Variants in PPRC1 observed in about 807,000 individuals in gnomAD.
PPRC1 encodes the protein peroxisome proliferator-activated receptor gamma coactivator-related protein 1.
Under a neutral mutation model 132.5 loss-of-function variants are expected in PPRC1, and 23 were observed. That is an observed-to-expected ratio of 0.17 (90% CI 0.12 to 0.25). The LOEUF (loss-of-function observed/expected upper bound fraction) is 0.25, where lower values mean the gene tolerates loss of function less well. Ranked by LOEUF, PPRC1 falls within the 10% of genes least tolerant of loss-of-function variation. The probability of loss-of-function intolerance (pLI) is 1.00; values close to 1 mark genes in which losing one functional copy is unlikely to be tolerated. For missense variants in PPRC1, 2,006 were observed against 2,089.1 expected (o/e 0.96, Z 0.78); for synonymous variants, 872 against 833.5 (o/e 1.05, Z -0.80).
At position 102,140,242 on chromosome 10, in the gene PPRC1, C is replaced by T. The variant is rs1312431997; in HGVS notation, c.1734C>T (p.Asp578=). ...NPIPTHLSLV[D]SAQASPMPVD... is the part of the protein sequence containing the mutation. Reference sequence around the variant, plus strand: ...TACCAACCCATCTCTCATTGGTCGACTCTGCCCAAGCCAGCCCCATGCCAG... The same window carrying T: ...TACCAACCCATCTCTCATTGGTCGATTCTGCCCAAGCCAGCCCCATGCCAG... Residue 578 remains aspartate (D), a synonymous_variant, in exon 5 of 14, where the codon GAC becomes GAT. Coordinates refer to ENST00000278070, the MANE Select transcript of PPRC1 (RefSeq NM_015062.5). 6.2e-7 allele frequency: 1 copy of T among 1,614,248 alleles called. No individual in the cohort carries two copies. The highest frequency in any genetic ancestry group is 1.7e-5 in the Admixed American group (1 of 60,034).
intron 6 of PPRC1, among the ~76,000 whole-genome samples, chr10:102,143,592 C>CT (rs2069091097): frequency 7.5e-6 from 1 of 133,196 alleles, no homozygotes; most frequent in South Asian, 2.3e-4. Context: ...GGGTGAGACT[C>CT]TGTCTCAAAA....
rs141564083 is a variant in PPRC1 at position 102,141,614 on chromosome 10, C to G, written c.3106C>G (p.Pro1036Ala). The change falls in exon 5 of 14, where the codon CCT becomes GCT. Residue 1036 changes from proline to alanine, a missense_variant. Pro to Ala is a conservative substitution (Grantham distance 27, BLOSUM62 -1). Around this residue, in one of 2 missense-constraint regions of PPRC1, gnomAD observed 1,914 missense variants for 1,917.2 expected, o/e 1.00. Transcript: ENST00000278070. The part of the protein sequence containing the change: ...PENVLPLSMA[P>A]PLSLGLPGHG... ...AAATGTACTTCCCTTGTCGATGGCT[C>G]CTCCCCTCAGTCTTGGGCTACCTGG... The G allele has an allele frequency of 8.1e-4, 1,302 of 1,614,186 alleles. 7 individuals carry two copies. In the African/African-American group the frequency reaches 0.015, roughly 19 times the overall value.
chr10:102,140,751 C>T lies in PPRC1; in HGVS notation c.2243C>T (p.Pro748Leu), dbSNP rs764872257. The change falls in exon 5 of 14, where the codon CCT becomes CTT. Residue 748 changes from proline (P) to leucine (L), a missense_variant. By Grantham distance (98) the Pro-to-Leu change is moderately conservative. Transcript: ENST00000278070. ...AGTGCTACAACCCATGAAGCCAGAC[C>T]TCGGCCTCTCAGCTTATCTGAGTAC... ...GTSATTHEAR[P>L]RPLSLSEYRR... 1.5e-5 allele frequency: 24 copies of T among 1,613,872 alleles called. No homozygotes were observed. Among genetic ancestry groups the T allele is most frequent in the Admixed American group, 5.0e-5 (3 of 59,996 alleles).
Position 102,144,262 on chromosome 10 carries a change from GTCC to G in PPRC1, c.3570_3572del (p.Pro1191del). ...GGTTTCTTTGCAGCCAAAAAGGAGTGTCCTCCTCCGGCTCCTGCTGACAGCTTG... is the reference window on the plus strand; with the variant it reads ...GGTTTCTTTGCAGCCAAAAAGGAGTGTCCTCCGGCTCCTGCTGACAGCTTG... On this transcript the variant is annotated inframe_deletion, in exon 7 of 14. Coordinates refer to ENST00000278070, the MANE Select transcript of PPRC1 (RefSeq NM_015062.5). 4 of 1,614,148 alleles carry G rather than the reference GTCC, an allele frequency of 2.5e-6. No individual in the cohort carries two copies. The highest frequency in any genetic ancestry group is 3.4e-6 in the Non-Finnish European group (4 of 1,180,020).
At chr10:102,147,927 C>T (rs1371376583) in intron 9 of PPRC1, among the ~76,000 whole-genome samples, 2 of 152,082 alleles carry the variant, frequency 1.3e-5, no homozygotes, top group Non-Finnish European at 2.9e-5. Flanking sequence ...CTGGCCCATA[C>T]TACAAGTCTA....
At chr10:102,138,120 CT>C in intron 2 of PPRC1, 82 bp downstream of exon 2, 1 of 1,422,242 alleles carries the variant, frequency 7.0e-7, no homozygotes, top group Non-Finnish European at 9.5e-7. Context: ...CATGGCTCTG[CT>C]CTCCCAGGAC....
In PPRC1 at chr10:102,147,458, T is replaced by C. The variant is rs1330002899; in HGVS notation, c.4400+66T>C. On this transcript the variant is annotated intron_variant, in intron 9 of 13. Transcript: ENST00000278070. ...GTTCACGTACTTCTGTGGTTTACTTTGAAAGCTTTTACCCGTTGACTTTGG... is the reference window on the plus strand; with the variant it reads ...GTTCACGTACTTCTGTGGTTTACTTCGAAAGCTTTTACCCGTTGACTTTGG... The C allele has an allele frequency of 2.0e-6, 3 of 1,499,496 alleles. No homozygotes were observed. In the African/African-American group the frequency reaches 4.2e-5, roughly 21 times the overall value. The allele number at this position is 1,499,496 out of a possible 1,614,324, so 92.9% of individuals were successfully genotyped here.
rs369539051 is a variant in PPRC1, at chr10:102,139,622, C to T, written c.1114C>T (p.Pro372Ser). ...PVVVRQVSPG[P>S]RPVLLDDSLE... ...TGTGGTGCGACAGGTCTCTCCTGGA[C>T]CCCGGCCTGTGCTCCTGGATGACTC... Residue 372 changes from proline (P) to serine (S), a missense_variant, in exon 5 of 14, where the codon CCC becomes TCC. Around this residue, in one of 2 missense-constraint regions of PPRC1, gnomAD observed 1,914 missense variants for 1,917.2 expected, o/e 1.00. Transcript: ENST00000278070. 5.6e-6 allele frequency: 9 copies of T among 1,613,946 alleles called. No homozygotes were observed. The highest frequency in any genetic ancestry group is 1.6e-4 in the Middle Eastern group (1 of 6,062).
chr10:102,127,021 A>ATTTT, the PPRC1 span, among the ~76,000 whole-genome samples: 1 of 4,340 alleles, frequency 2.3e-4, no homozygotes, highest in African/African-American at 4.7e-4. Context: ...GTTTTTTATC[A>ATTTT]TATATATATA....
chr10:102,129,457 G>A (rs1169464257), upstream of PPRC1, among the ~76,000 whole-genome samples: 1 of 152,146 alleles, frequency 6.6e-6, no homozygotes, highest in African/African-American at 2.4e-5. Context: ...AGATTTTATG[G>A]AGACACCAGA....
intron 1 of PPRC1, among the ~76,000 whole-genome samples, chr10:102,136,508 A>G (rs1326830350): frequency 3.9e-5 from 6 of 152,140 alleles, no homozygotes; most frequent in Non-Finnish European, 5.9e-5. Flanking sequence ...CCTGCTGTCA[A>G]CTGGGGTCTA....
Position 102,141,214 on chromosome 10 carries a change from T to C in PPRC1, c.2706T>C (p.Leu902=). 2 of 1,614,056 alleles carry C rather than the reference T, an allele frequency of 1.2e-6. No individual in the cohort carries two copies. Among genetic ancestry groups the C allele is most frequent in the African/African-American group, 2.7e-5 (2 of 75,006 alleles). ...LPPPPLQPPS[L]PLSMGPVLPD... is the part of the protein sequence containing the mutation. ...CACCTCCCTTGCAGCCTCCTAGTCT[T>C]CCATTGTCTATGGGGCCAGTACTAC... Residue 902 remains leucine, a synonymous_variant, in exon 5 of 14, where the codon CTT becomes CTC. Coordinates refer to ENST00000278070, the MANE Select transcript of PPRC1 (RefSeq NM_015062.5).
At position 102,150,102 on chromosome 10, in the gene PPRC1, T is replaced by G; in HGVS notation, c.*73T>G. 9.2e-7 allele frequency: 1 copy of G among 1,091,184 alleles called. No individual in the cohort carries two copies. Among genetic ancestry groups the G allele is most frequent in the Non-Finnish European group, 1.4e-6 (1 of 714,484 alleles). 67.6% of individuals were successfully genotyped at this position (1,091,184 alleles called of 1,614,324 possible). A position where few individuals can be genotyped will look rare whatever the true frequency, so the allele number is the denominator to read the frequency against. On this transcript the variant is annotated 3_prime_UTR_variant, in exon 14 of 14. Coordinates refer to ENST00000278070, the MANE Select transcript of PPRC1 (RefSeq NM_015062.5). ...CCTCCTCCACCCCCTTCCCCTACTC[T>G]AGGGGAGAGAGCTGCTAGTGAGATG...
Position 102,139,758 on chromosome 10 carries a change from A to C in PPRC1, c.1250A>C (p.Asn417Thr), listed in dbSNP as rs1053905860. 3.7e-6 allele frequency: 6 copies of C among 1,614,024 alleles called. No individual in the cohort carries two copies. The highest frequency in any genetic ancestry group is 1.3e-5 in the African/African-American group (1 of 74,906). ...LCSEKEGLSL[N>T]SEEKLDSACL... ...TCTGAGAAAGAGGGGTTGTCATTGA[A>C]CTCAGAGGAGAAGCTGGACTCAGCC... The change falls in exon 5 of 14, where the codon AAC becomes ACC. Residue 417 changes from asparagine (N) to threonine (T), a missense_variant. Around this residue, in one of 2 missense-constraint regions of PPRC1, gnomAD observed 1,914 missense variants for 1,917.2 expected, o/e 1.00. Transcript: ENST00000278070.
chr10:102,134,314 A>C (rs758390396), intron 1 of PPRC1, among the ~76,000 whole-genome samples: 5 of 152,216 alleles, frequency 3.3e-5, no homozygotes, highest in Admixed American at 2.0e-4. Context: ...GAAAAGTTGG[A>C]GGCGGTTTGA....
At chr10:102,135,269 T>A (rs946769705) in intron 1 of PPRC1, among the ~76,000 whole-genome samples, 4 of 152,118 alleles carry the variant, frequency 2.6e-5, no homozygotes, top group Non-Finnish European at 4.4e-5. Context: ...GAGCATGGCT[T>A]ATTGGAGAAA....
rs184366358 is a variant in PPRC1, at chr10:102,140,332, C to G, written c.1824C>G (p.Asp608Glu). Residue 608 changes from aspartate to glutamate, a missense_variant, in exon 5 of 14, where the codon GAC becomes GAG. This residue lies in a region of PPRC1 where 1,914 missense variants were observed against 1,917.2 expected (regional missense o/e 1.00). Coordinates refer to ENST00000278070, the MANE Select transcript of PPRC1 (RefSeq NM_015062.5). ...TTCTAGCTGGCCCTGTACCTGTTGA[C>G]CCTGGGTTGGTTGACCTTGCTTCAA... ...GPVLAGPVPV[D>E]PGLVDLASTS... 8.9e-5 allele frequency: 143 copies of G among 1,614,204 alleles called. No individual in the cohort carries two copies. Among genetic ancestry groups the G allele is most frequent in the Non-Finnish European group, 1.1e-4 (130 of 1,180,032 alleles).
chr10:102,122,235 GAA>G, the PPRC1 span, among the ~76,000 whole-genome samples: 1 of 152,166 alleles, frequency 6.6e-6, no homozygotes, highest in African/African-American at 2.4e-5. Context: ...GGAGTAGAGA[GAA>G]CATAAGGCAA....
intron 1 of PPRC1, among the ~76,000 whole-genome samples, chr10:102,133,814 G>C (rs1257043535): frequency 1.3e-5 from 2 of 152,020 alleles, no homozygotes; most frequent in East Asian, 1.9e-4. Flanking sequence ...ATCTCCTGCC[G>C]GGGCTGGAGG....
Sources: gnomAD v4.1 joint callset for allele counts (sites outside exome capture counted in the v4.1 genomes callset) on GRCh38, gnomAD v4.1.1 for gene constraint, gnomAD v4.1.1 regional missense constraint, MANE v1.5 for transcripts, NCBI Gene and HGNC (gene_info 2026-07-23, HGNC 2026-07-21) for gene names.